Variants in TEAD1 observed in about 807,000 individuals in gnomAD.
TEAD1 encodes transcriptional enhancer factor TEF-1.
A neutral mutation model predicts 54.9 loss-of-function variants in TEAD1; 9 were observed. The observed-to-expected ratio is 0.16, with a 90% CI of 0.10 to 0.29. The LOEUF (loss-of-function observed/expected upper bound fraction) is 0.29, where lower values mean the gene tolerates loss of function less well. Among genes scored for constraint, TEAD1 ranks in the 10% least tolerant of loss-of-function variants. The pLI is 1.00. For missense variants in TEAD1, 387 were observed against 535.9 expected, an observed-to-expected ratio of 0.72 and a Z score of 2.74; for synonymous variants, 200 against 187.8, an observed-to-expected ratio of 1.07 and a Z score of -0.53.
chr11:12,872,209 C>T (rs1316648050), intron 5 of TEAD1, among the ~76,000 whole-genome samples: 1 of 152,194 alleles, frequency 6.6e-6, no homozygotes, highest in African/African-American at 2.4e-5. Flanking sequence ...CAGGAATGGG[C>T]CTGTCCACAG....
At chr11:12,925,295 T>C (rs1948885421) in intron 11 of TEAD1, among the ~76,000 whole-genome samples, 3 of 152,130 alleles carry the variant, frequency 2.0e-5, no homozygotes, top group Admixed American at 2.0e-4. Context: ...TCAGGAAACT[T>C]AGAATCATGG....
rs928009980 is a variant in TEAD1 at position 12,710,810 on chromosome 11, C to T, written c.-55+35249C>T. ...TAATGGCAGGTGGGTTGTTGTGACACGTGAGTTAGGGAGAGTAGCTCTTCA... is the reference window on the plus strand; with the variant it reads ...TAATGGCAGGTGGGTTGTTGTGACATGTGAGTTAGGGAGAGTAGCTCTTCA... On this transcript the variant is annotated intron_variant, in intron 2 of 12. Coordinates refer to ENST00000527636, the MANE Select transcript of TEAD1 (RefSeq NM_021961.6). Among the ~76,000 whole-genome samples the T allele has an allele frequency of 1.1e-4, 16 of 151,892 alleles. 1 individual carries two copies. The highest frequency in any genetic ancestry group is 7.9e-4 in the Admixed American group (12 of 15,236).
At chr11:12,719,948 T>TG (rs1944151094) in intron 2 of TEAD1, among the ~76,000 whole-genome samples, 1 of 113,298 alleles carries the variant, frequency 8.8e-6, no homozygotes, top group East Asian at 2.8e-4. Flanking sequence ...GGAAATCTAA[T>TG]GTTTTTTTTT....
chr11:12,761,306 C>G (rs2133921721), intron 2 of TEAD1, among the ~76,000 whole-genome samples: 1 of 152,212 alleles, frequency 6.6e-6, no homozygotes, highest in South Asian at 2.1e-4. Context: ...AAATTTTTTT[C>G]TTATATTGAG....
chr11:12,720,809 T>C, intron 2 of TEAD1, among the ~76,000 whole-genome samples: 1 of 152,084 alleles, frequency 6.6e-6, no homozygotes, highest in Non-Finnish European at 1.5e-5. Flanking sequence ...AAGGAACAGA[T>C]ATGGGCCCCA....
chr11:12,716,953 C>T (rs953129259), intron 2 of TEAD1, among the ~76,000 whole-genome samples: 1 of 152,228 alleles, frequency 6.6e-6, no homozygotes, highest in Non-Finnish European at 1.5e-5. Context: ...TTCTGCTGCT[C>T]CCAGGTGACT....
At chr11:12,928,590 T>A (rs1194843885) in intron 11 of TEAD1, among the ~76,000 whole-genome samples, 2 of 150,496 alleles carry the variant, frequency 1.3e-5, no homozygotes, top group Non-Finnish European at 2.9e-5. Context: ...TTCAATAACC[T>A]GTTTGCCAAA....
intron 3 of TEAD1, among the ~76,000 whole-genome samples, chr11:12,765,983 G>A (rs1945200512): frequency 6.6e-6 from 1 of 152,190 alleles, no homozygotes; most frequent in Non-Finnish European, 1.5e-5. Context: ...GCAGAGAAAA[G>A]CATTTTAATC....
At chr11:12,818,207 A>T (rs538690879) in intron 3 of TEAD1, among the ~76,000 whole-genome samples, 1 of 152,322 alleles carries the variant, frequency 6.6e-6, no homozygotes, top group East Asian at 1.9e-4. Flanking sequence ...ATATGACGTT[A>T]TACAGCTGGT....
At chr11:12,817,909 T>C (rs193291276) in intron 3 of TEAD1, among the ~76,000 whole-genome samples, 86 of 152,370 alleles carry the variant, frequency 5.6e-4, no homozygotes, top group Non-Finnish European at 1.8e-4. Context: ...CACGGATTTA[T>C]ACTGGAGAGG....
chr11:12,878,535 G>T (rs1197051933), intron 5 of TEAD1, among the ~76,000 whole-genome samples: 1 of 152,148 alleles, frequency 6.6e-6, no homozygotes, highest in Non-Finnish European at 1.5e-5. Context: ...GAGGCTCAAA[G>T]CCCTGCCTGT....
chr11:12,883,353 A>G (rs1359822628), intron 9 of TEAD1, among the ~76,000 whole-genome samples: 2 of 152,198 alleles, frequency 1.3e-5, no homozygotes, highest in Non-Finnish European at 2.9e-5. Context: ...CCTGGACCCC[A>G]AGGTGCTGTG....
chr11:12,892,852 C>T (rs916362697), intron 9 of TEAD1, among the ~76,000 whole-genome samples: 5 of 152,086 alleles, frequency 3.3e-5, no homozygotes, highest in African/African-American at 1.2e-4. Flanking sequence ...GTTCCTGGTC[C>T]TTCAGAAAAG....
intron 3 of TEAD1, among the ~76,000 whole-genome samples, chr11:12,792,661 A>G (rs1330819666): frequency 6.6e-6 from 1 of 151,934 alleles, no homozygotes. Context: ...ACTTCAAAAT[A>G]AGGGCAGTTA....
At chr11:12,875,008 G>T (rs542235272) in intron 5 of TEAD1, among the ~76,000 whole-genome samples, 2 of 152,084 alleles carry the variant, frequency 1.3e-5, no homozygotes, top group African/African-American at 2.4e-5. Context: ...GCACACGCAC[G>T]CACACATACA....
chr11:12,780,386 G>A (rs1167445353), intron 3 of TEAD1, among the ~76,000 whole-genome samples: 8 of 151,854 alleles, frequency 5.3e-5, no homozygotes, highest in Non-Finnish European at 8.8e-5. Context: ...TGGGATTACA[G>A]GTGCCTGCCA....
At chr11:12,733,179 C>T (rs138035315) in intron 2 of TEAD1, among the ~76,000 whole-genome samples, 23 of 152,298 alleles carry the variant, frequency 1.5e-4, no homozygotes, top group African/African-American at 5.5e-4. Flanking sequence ...GTGAAACACA[C>T]ATAAGACAGT....
chr11:12,758,660 C>T (rs1239894562), intron 2 of TEAD1, among the ~76,000 whole-genome samples: 4 of 152,000 alleles, frequency 2.6e-5, no homozygotes, highest in African/African-American at 9.7e-5. Flanking sequence ...GTGATCTGCC[C>T]GCCTCGGCCT....
intron 12 of TEAD1, among the ~76,000 whole-genome samples, chr11:12,930,975 A>G (rs185279900): frequency 1.6e-4 from 25 of 152,364 alleles, no homozygotes; most frequent in Admixed American, 1.2e-3. Context: ...AGGCTAAAAA[A>G]TCTGGCTAGG....
Sources: gnomAD v4.1 joint callset for allele counts (sites outside exome capture counted in the v4.1 genomes callset) on GRCh38, gnomAD v4.1.1 for gene constraint, MANE v1.5 for transcripts, NCBI Gene and HGNC (gene_info 2026-07-23, HGNC 2026-07-21) for gene names.